ENDOD1: variants seen among roughly 807,000 people sequenced by gnomAD.
The protein encoded by ENDOD1 is endonuclease domain containing 1, also known as endonuclease domain-containing 1 protein.
In ENDOD1, 9 loss-of-function variants were observed where a neutral mutation model predicts 6.5. The observed-to-expected ratio is 1.39, with a 90% CI of 0.84 to 2.43. ENDOD1 has a LOEUF of 2.43. Among genes scored for constraint, ENDOD1 ranks in the 30% most tolerant of loss-of-function variants. The pLI, the probability that ENDOD1 is intolerant of heterozygous loss-of-function variation, is 0.00. For missense variants in ENDOD1, 648 were observed against 635.5 expected (o/e 1.02, Z -0.21); for synonymous variants, 255 against 255.2 (o/e 1.00, Z 0.01).
At chr11:95,114,777 C>T (rs1341025796) in intron 1 of ENDOD1, among the ~76,000 whole-genome samples, 1 of 152,170 alleles carries the variant, frequency 6.6e-6, no homozygotes, top group African/African-American at 2.4e-5. Context: ...ATGTTCTTGG[C>T]ACCTTAGTCA....
rs1859359725 is a variant in ENDOD1 at position 95,130,375 on chromosome 11, A to G, written c.*796A>G. The G allele has an allele frequency of 6.6e-6, 1 of 151,980 alleles. No homozygotes were observed. Among genetic ancestry groups the G allele is most frequent in the Non-Finnish European group, 1.5e-5 (1 of 68,012 alleles). 9.4% of individuals were successfully genotyped at this position (151,980 alleles called of 1,614,324 possible). A position where few individuals can be genotyped will look rare whatever the true frequency, so the allele number is the denominator to read the frequency against. ...TATAATACAGTCCTCTCCGGTGGAA[A>G]GAAGAGAAGAGAAGGTGGACAGCCC... is the stretch of plus-strand genomic sequence containing the variant. On this transcript the variant is annotated 3_prime_UTR_variant, in exon 2 of 2. Coordinates refer to ENST00000278505, the MANE Select transcript of ENDOD1 (RefSeq NM_015036.3).
rs768730277 is a variant in ENDOD1 at position 95,129,006 on chromosome 11, C to A, written c.930C>A (p.Ser310Arg). Residue 310 changes from serine (S) to arginine (R), a missense_variant, in exon 2 of 2, where the codon AGC becomes AGA. Physicochemically the swap from Ser to Arg is moderately radical, Grantham distance 110. Coordinates refer to ENST00000278505, the MANE Select transcript of ENDOD1 (RefSeq NM_015036.3). ...KSSSPLSSTR[S>R]KRSTLLPPEA... Reference sequence around the variant, plus strand: ...CTAGTCCCCTTTCTAGCACCAGGAGCAAGAGGTCTACTCTGTTGCCTCCAG... The same window carrying A: ...CTAGTCCCCTTTCTAGCACCAGGAGAAAGAGGTCTACTCTGTTGCCTCCAG... The A allele has an allele frequency of 2.5e-6, 4 of 1,613,800 alleles. No homozygotes were observed. The African/African-American group carries it at 4.0e-5, about 16-fold the overall frequency.
intron 1 of ENDOD1, among the ~76,000 whole-genome samples, chr11:95,118,084 C>G (rs1267389635): frequency 6.6e-6 from 1 of 152,110 alleles, no homozygotes; most frequent in Non-Finnish European, 1.5e-5. Context: ...CACTTTTTCA[C>G]TTTTTATTGT....
intron 1 of ENDOD1, among the ~76,000 whole-genome samples, chr11:95,105,962 G>A (rs557529232): frequency 3.3e-5 from 5 of 152,222 alleles, no homozygotes; most frequent in East Asian, 3.9e-4. Context: ...GGTGAGAGCC[G>A]TGTCTGTACA....
At chr11:95,107,887 T>TCGATCTC (rs1467013868) in intron 1 of ENDOD1, among the ~76,000 whole-genome samples, 1 of 152,096 alleles carries the variant, frequency 6.6e-6, no homozygotes, top group Non-Finnish European at 1.5e-5. Context: ...CAGGATGATC[T>TCGATCTC]CGATCTCCTG....
At chr11:95,102,228 T>C (rs1348664269) in intron 1 of ENDOD1, among the ~76,000 whole-genome samples, 1 of 152,180 alleles carries the variant, frequency 6.6e-6, no homozygotes, top group Non-Finnish European at 1.5e-5. Flanking sequence ...TTAGAGGGCC[T>C]TGAAGAAGAG....
At chr11:95,100,049 G>A (rs1212221409) in intron 1 of ENDOD1, among the ~76,000 whole-genome samples, 2 of 152,126 alleles carry the variant, frequency 1.3e-5, no homozygotes, top group African/African-American at 4.8e-5. Flanking sequence ...CTCATTCTTG[G>A]ATATCTCCAT....
At chr11:95,104,901 T>C (rs1555111288) in intron 1 of ENDOD1, among the ~76,000 whole-genome samples, 2 of 152,188 alleles carry the variant, frequency 1.3e-5, no homozygotes, top group African/African-American at 4.8e-5. Flanking sequence ...CACCCTTCAC[T>C]GGCTGTTGTC....
At chr11:95,116,225 T>C (rs1420856623) in intron 1 of ENDOD1, among the ~76,000 whole-genome samples, 1 of 152,220 alleles carries the variant, frequency 6.6e-6, no homozygotes, top group Non-Finnish European at 1.5e-5. Flanking sequence ...TGGTTGGTTG[T>C]ATATGCCTAG....
chr11:95,109,486 A>C (rs973140377), intron 1 of ENDOD1, among the ~76,000 whole-genome samples: 2 of 152,276 alleles, frequency 1.3e-5, no homozygotes, highest in African/African-American at 4.8e-5. Context: ...CCTGGTGTGC[A>C]GGACCATCAT....
At chr11:95,106,998 T>C (rs1555111472) in intron 1 of ENDOD1, among the ~76,000 whole-genome samples, 1 of 151,916 alleles carries the variant, frequency 6.6e-6, no homozygotes, top group African/African-American at 2.4e-5. Context: ...TTGAGAACTA[T>C]TGATTTAAGG....
At position 95,112,738 on chromosome 11, in the gene ENDOD1, T is replaced by C. The variant is rs956588304; in HGVS notation, c.301-15639T>C. ...CCAGTGTCTTCCCTGACTGCACTCATTGTGCCCTTCCTTCCTCTGAAATTC... is the reference window on the plus strand; with the variant it reads ...CCAGTGTCTTCCCTGACTGCACTCACTGTGCCCTTCCTTCCTCTGAAATTC... On this transcript the variant is annotated intron_variant, in intron 1 of 1. Transcript: ENST00000278505. Among the ~76,000 whole-genome samples the C allele has an allele frequency of 2.6e-5, 4 of 152,258 alleles. No homozygotes were observed. In the South Asian group the frequency reaches 8.3e-4, roughly 31 times the overall value.
intron 1 of ENDOD1, among the ~76,000 whole-genome samples, chr11:95,094,299 G>T (rs1555110120): frequency 6.6e-6 from 1 of 152,058 alleles, no homozygotes; most frequent in African/African-American, 2.4e-5. Flanking sequence ...GGGTCACACA[G>T]CTTATTTTTG....
At chr11:95,112,351 G>T (rs922495296) in intron 1 of ENDOD1, among the ~76,000 whole-genome samples, 1 of 151,972 alleles carries the variant, frequency 6.6e-6, no homozygotes, top group Non-Finnish European at 1.5e-5. Flanking sequence ...TTTGAAATCA[G>T]AGAAGCTGGG....
In ENDOD1 at chr11:95,128,649, C is replaced by T. The variant is rs751568279; in HGVS notation, c.573C>T (p.Gly191=). 1.2e-6 allele frequency: 2 copies of T among 1,614,164 alleles called. No homozygotes were observed. The highest frequency in any genetic ancestry group is 1.7e-6 in the Non-Finnish European group (2 of 1,180,024). The change falls in exon 2 of 2, where the codon GGC becomes GGT. Residue 191 remains glycine, a synonymous_variant. Coordinates refer to ENST00000278505, the MANE Select transcript of ENDOD1 (RefSeq NM_015036.3). The part of the protein sequence containing the change: ...LMDRALTPQC[G]SGEDLYILTG... Reference sequence around the variant, plus strand: ...ACCGGGCTTTGACCCCACAGTGTGGCAGTGGGGAAGACCTATATATCCTCA... The same window carrying T: ...ACCGGGCTTTGACCCCACAGTGTGGTAGTGGGGAAGACCTATATATCCTCA...
Position 95,130,538 on chromosome 11 carries a change from G to A in ENDOD1, c.*959G>A, listed in dbSNP as rs1359812425. 1.3e-5 allele frequency: 2 copies of A among 152,076 alleles called. No individual in the cohort carries two copies. The highest frequency in any genetic ancestry group is 2.9e-5 in the Non-Finnish European group (2 of 68,026). The allele number at this position is 152,076 out of a possible 1,614,324, so 9.4% of individuals were successfully genotyped here. On this transcript the variant is annotated 3_prime_UTR_variant, in exon 2 of 2. Coordinates refer to ENST00000278505, the MANE Select transcript of ENDOD1 (RefSeq NM_015036.3). ...ATGAAAATTCATATTCTGCAACATA[G>A]TAGATTTTTCTAATGCATGAAATAA... is the stretch of plus-strand genomic sequence containing the variant.
rs1858909267 is a variant in ENDOD1 at position 95,089,952 on chromosome 11, C to G, written c.25C>G (p.Leu9Val). 1 of 1,484,352 alleles carries G rather than the reference C, an allele frequency of 6.7e-7. No homozygotes were observed. The allele number at this position is 1,484,352 out of a possible 1,614,324, so 91.9% of individuals were successfully genotyped here. A position where few individuals can be genotyped will look rare whatever the true frequency, so the allele number is the denominator to read the frequency against. ...CATGGGCACCGCGCGCTGGCTCGCG[C>G]TGGGCAGCCTCTTCGCCCTGGCTGG... MGTARWLALGSLFALAGLL... is the reference protein window; with the variant it reads MGTARWLAVGSLFALAGLL... Residue 9 changes from leucine (L) to valine (V), a missense_variant, in exon 1 of 2, where the codon CTG becomes GTG. Leu to Val is a conservative substitution (Grantham distance 32). Coordinates refer to ENST00000278505, the MANE Select transcript of ENDOD1 (RefSeq NM_015036.3).
intron 1 of ENDOD1, among the ~76,000 whole-genome samples, chr11:95,093,007 A>G (rs1858945804): frequency 1.3e-5 from 2 of 152,240 alleles, no homozygotes; most frequent in African/African-American, 4.8e-5. Context: ...GCAGGGCAGC[A>G]GTGACACTGA....
chr11:95,107,917 T>C (rs992193494), intron 1 of ENDOD1, among the ~76,000 whole-genome samples: 2 of 152,068 alleles, frequency 1.3e-5, no homozygotes, highest in African/African-American at 4.8e-5. Flanking sequence ...TCCGCCCGCC[T>C]TGGCTTCACA....
Sources: gnomAD v4.1 joint callset for allele counts (sites outside exome capture counted in the v4.1 genomes callset) on GRCh38, gnomAD v4.1.1 for gene constraint, MANE v1.5 for transcripts, NCBI Gene and HGNC (gene_info 2026-07-23, HGNC 2026-07-21) for gene names.